The following WDR72 variants were observed in gnomAD, a reference collection of about 807,000 sequenced individuals.
WDR72 encodes WD repeat-containing protein 72.
WDR72 carries 120 observed loss-of-function variants against 124.2 expected under a neutral mutation model. The observed-to-expected ratio is 0.97, with a 90% CI of 0.83 to 1.12. WDR72 has a LOEUF of 1.12. WDR72 is among the 50% of genes most tolerant of loss of function. The probability of loss-of-function intolerance (pLI) is 0.00; values close to 1 mark genes in which losing one functional copy is unlikely to be tolerated. For synonymous variants in WDR72, 452 were observed against 441.7 expected (o/e 1.02, Z -0.29); for missense variants, 1,387 against 1,278.8 (o/e 1.08, Z -1.29).
chr15:53,564,455 GTAT>G (rs1894228503), intron 18 of WDR72, among the ~76,000 whole-genome samples: 1 of 151,800 alleles, frequency 6.6e-6, no homozygotes, highest in African/African-American at 2.4e-5. Context: ...AACATGCCAT[GTAT>G]TATTATTATT....
chr15:53,566,620 A>T (rs1182643214), intron 18 of WDR72, among the ~76,000 whole-genome samples: 2 of 151,900 alleles, frequency 1.3e-5, no homozygotes, highest in Non-Finnish European at 2.9e-5. Context: ...GGATAGGCTC[A>T]TCTACGGAGC....
intron 1 of WDR72, among the ~76,000 whole-genome samples, chr15:53,742,406 A>G (rs1362561664): frequency 6.6e-6 from 1 of 152,220 alleles, no homozygotes; most frequent in Admixed American, 6.5e-5. Context: ...TGTCTAGACA[A>G]GTTTTAAAGA....
At chr15:53,608,945 G>C (rs1373149072) in intron 17 of WDR72, among the ~76,000 whole-genome samples, 1 of 151,854 alleles carries the variant, frequency 6.6e-6, no homozygotes. Flanking sequence ...TAGCACAACA[G>C]GGTGATTATA....
intron 16 of WDR72, among the ~76,000 whole-genome samples, chr15:53,612,704 A>C (rs191661684): frequency 6.6e-6 from 1 of 152,214 alleles, no homozygotes; most frequent in Admixed American, 6.6e-5. Context: ...AGTAAGGACA[A>C]TGGCTTTTAT....
chr15:53,656,475 T>G (rs1334154690), intron 14 of WDR72, among the ~76,000 whole-genome samples: 1 of 152,180 alleles, frequency 6.6e-6, no homozygotes, highest in Non-Finnish European at 1.5e-5. Context: ...AATGCTTTCT[T>G]TTTTGAGAAT....
At chr15:53,721,894 G>C (rs1440988173) in intron 3 of WDR72, among the ~76,000 whole-genome samples, 1 of 152,076 alleles carries the variant, frequency 6.6e-6, no homozygotes, top group African/African-American at 2.4e-5. Flanking sequence ...CTACAGGTAA[G>C]TCCTATTTCA....
At chr15:53,736,380 G>T (rs1323854711) in intron 1 of WDR72, among the ~76,000 whole-genome samples, 7 of 152,130 alleles carry the variant, frequency 4.6e-5, no homozygotes, top group Non-Finnish European at 8.8e-5. Flanking sequence ...AGGGTGAAGA[G>T]GAGTAATGTA....
chr15:53,626,033 G>A (rs2140385535), intron 14 of WDR72, among the ~76,000 whole-genome samples: 1 of 152,194 alleles, frequency 6.6e-6, no homozygotes, highest in East Asian at 1.9e-4. Flanking sequence ...AAAACATTTT[G>A]GATCCCCCAC....
chr15:53,668,674 C>T (rs1223464029), intron 13 of WDR72, among the ~76,000 whole-genome samples: 2 of 151,888 alleles, frequency 1.3e-5, no homozygotes, highest in Non-Finnish European at 2.9e-5. Context: ...GAGGGCGAGA[C>T]GGGTGGATCA....
intron 2 of WDR72, among the ~76,000 whole-genome samples, chr15:53,724,926 T>G (rs2140584260): frequency 6.6e-6 from 1 of 152,246 alleles, no homozygotes; most frequent in South Asian, 2.1e-4. Flanking sequence ...AAGTTTCACT[T>G]CTAAATTATC....
chr15:53,555,090 G>A (rs921808774), intron 18 of WDR72, among the ~76,000 whole-genome samples: 4 of 151,990 alleles, frequency 2.6e-5, no homozygotes, highest in African/African-American at 9.7e-5. Flanking sequence ...AAACTGATAC[G>A]GAGAGATTTA....
At chr15:53,653,525 C>A (rs559234707) in intron 14 of WDR72, among the ~76,000 whole-genome samples, 6 of 152,232 alleles carry the variant, frequency 3.9e-5, no homozygotes, top group Admixed American at 2.6e-4. Flanking sequence ...TTTAATGAGG[C>A]CAAATAGTTG....
Position 53,670,430 on chromosome 15 carries a change from T to C in WDR72, c.1766-4662A>G, listed in dbSNP as rs147292375. Among the ~76,000 whole-genome samples, 352 of 152,286 alleles carry C rather than the reference T, an allele frequency of 2.3e-3. 1 individual carries two copies. The highest frequency in any genetic ancestry group is 4.2e-3 in the Non-Finnish European group (289 of 68,016). Reference sequence around the variant, plus strand: ...TTGTACACACTGCTTTCCCTGTCAGTTCAGCATAACCCACAGCATACCTAA... The same window carrying C: ...TTGTACACACTGCTTTCCCTGTCAGCTCAGCATAACCCACAGCATACCTAA... On this transcript the variant is annotated intron_variant, in intron 13 of 19. Transcript: ENST00000360509.
chr15:53,679,762 T>A (rs1472152815), intron 13 of WDR72, among the ~76,000 whole-genome samples: 3 of 152,098 alleles, frequency 2.0e-5, no homozygotes, highest in African/African-American at 7.2e-5. Context: ...TTGGGAAGAA[T>A]CTCAGAGAAA....
intron 13 of WDR72, among the ~76,000 whole-genome samples, chr15:53,681,877 C>A (rs1280655512): frequency 6.6e-6 from 1 of 150,836 alleles, no homozygotes; most frequent in Non-Finnish European, 1.5e-5. Flanking sequence ...GTGTGTGTCA[C>A]TTGAAAAAAA....
At chr15:53,615,329 AGAAG>A (rs947550427) in intron 15 of WDR72, 93 bp downstream of exon 15, 12 of 982,376 alleles carry the variant, frequency 1.2e-5, no homozygotes, top group Non-Finnish European at 1.8e-5. Flanking sequence ...CCCACTGGAA[AGAAG>A]GAAGGAATGT....
At position 53,615,966 on chromosome 15, in the gene WDR72, G is replaced by C; in HGVS notation, c.2240C>G (p.Thr747Ser). The C allele has an allele frequency of 6.2e-7, 1 of 1,613,284 alleles. No individual in the cohort carries two copies. The change falls in exon 15 of 20, where the codon ACT (threonine) becomes AGT (serine). Residue 747 changes from threonine (T) to serine (S), a missense_variant. By Grantham distance (58) the Thr-to-Ser change is moderately conservative. Coordinates refer to ENST00000360509, the MANE Select transcript of WDR72 (RefSeq NM_182758.4). ...LSAEALAKPI[T>S]ESLAQGDNTI... ...ATTATCTCCTTGGGCCAGGCTTTCA[G>C]TAATAGGCTTGGCTAGTGCCTCTGC...
chr15:53,661,205 T>C (rs2015598469), intron 14 of WDR72, among the ~76,000 whole-genome samples: 2 of 152,184 alleles, frequency 1.3e-5, no homozygotes, highest in Admixed American at 6.6e-5. Flanking sequence ...TCTGTTGCTA[T>C]AAAGGAATAC....
chr15:53,745,466 T>A (rs1256361567), intron 1 of WDR72, among the ~76,000 whole-genome samples: 1 of 152,182 alleles, frequency 6.6e-6, no homozygotes, highest in African/African-American at 2.4e-5. Context: ...TTATTATTAC[T>A]TCTAAACTAT....
Sources: gnomAD v4.1 joint callset for allele counts (sites outside exome capture counted in the v4.1 genomes callset) on GRCh38, gnomAD v4.1.1 for gene constraint, MANE v1.5 for transcripts, NCBI Gene and HGNC (gene_info 2026-07-23, HGNC 2026-07-21) for gene names.